The following DHRSX variants were observed in gnomAD, a reference collection of about 807,000 sequenced individuals.
DHRSX encodes the protein polyprenol dehydrogenase.
In DHRSX, 31 loss-of-function variants were observed where a neutral mutation model predicts 34.0. The ratio of observed to expected loss-of-function variants is 0.91; its 90% CI spans 0.69 to 1.23. DHRSX has a LOEUF of 1.23. Ranked by LOEUF, DHRSX falls within the 50% of genes most tolerant of loss-of-function variation. The pLI is 0.00. For missense variants in DHRSX, 414 were observed against 428.1 expected (o/e 0.97, Z 0.29); for synonymous variants, 201 against 183.8 (o/e 1.09, Z -0.76).
At chrX:2,391,772 C>T (rs746777523) in intron 3 of DHRSX, among the ~76,000 whole-genome samples, 3 of 152,106 alleles carry the variant, frequency 2.0e-5, no homozygotes, top group African/African-American at 7.2e-5. Context: ...ACTAAAAATA[C>T]AAAAATTAGC....
At chrX:2,314,797 G>C (rs953774331) in intron 3 of DHRSX, among the ~76,000 whole-genome samples, 3 of 152,068 alleles carry the variant, frequency 2.0e-5, no homozygotes, top group Non-Finnish European at 2.9e-5. Context: ...TCATGATTTT[G>C]CCTGGAGCAG....
chrX:2,371,567 TC>T (rs922753677), intron 3 of DHRSX, among the ~76,000 whole-genome samples: 12 of 130,726 alleles, frequency 9.2e-5, no homozygotes, highest in Admixed American at 3.9e-4. Context: ...AGTCCCTCCT[TC>T]CATTACCATA....
intron 2 of DHRSX, 41 bp downstream of exon 2, chrX:2,425,156 C>A (rs775514185): frequency 2.6e-4 from 338 of 1,325,112 alleles, no homozygotes; most frequent in African/African-American, 8.7e-4. Flanking sequence ...AAAAAAAAAA[C>A]CGAAAAAACA....
intron 3 of DHRSX, among the ~76,000 whole-genome samples, chrX:2,398,101 G>A (rs1017590463): frequency 6.6e-6 from 1 of 152,188 alleles, no homozygotes; most frequent in Non-Finnish European, 1.5e-5. Context: ...GCGGAAGGGG[G>A]CTCGCTTGCA....
At chrX:2,339,912 T>C (rs1427368739) in intron 3 of DHRSX, among the ~76,000 whole-genome samples, 1 of 152,118 alleles carries the variant, frequency 6.6e-6, no homozygotes, top group Non-Finnish European at 1.5e-5. Flanking sequence ...TCAAATGGTA[T>C]TTCTGGTTCT....
At chrX:2,461,294 C>T (rs1690508163) in intron 1 of DHRSX, among the ~76,000 whole-genome samples, 1 of 152,206 alleles carries the variant, frequency 6.6e-6, no homozygotes, top group African/African-American at 2.4e-5. Context: ...AGCTAAAAGC[C>T]AGTTGGAGCC....
At chrX:2,245,693 C>T (rs2016262018) in intron 5 of DHRSX, among the ~76,000 whole-genome samples, 1 of 149,086 alleles carries the variant, frequency 6.7e-6, no homozygotes, top group Non-Finnish European at 1.5e-5. Flanking sequence ...CGCAGTGGCT[C>T]ATGCCTGTAA....
chrX:2,452,590 A>T (rs1339774143), intron 1 of DHRSX, among the ~76,000 whole-genome samples: 1 of 151,972 alleles, frequency 6.6e-6, no homozygotes, highest in African/African-American at 2.4e-5. Flanking sequence ...TTCCCTAAGC[A>T]TGTGGCCAAT....
intron 1 of DHRSX, among the ~76,000 whole-genome samples, chrX:2,499,664 T>C (rs755293532): frequency 4.0e-4 from 61 of 152,274 alleles, no homozygotes; most frequent in African/African-American, 1.4e-3. Context: ...CCCAGCACTT[T>C]GGGGGACCCA....
At chrX:2,229,002 G>C (rs1442067670) in intron 6 of DHRSX, among the ~76,000 whole-genome samples, 1 of 152,188 alleles carries the variant, frequency 6.6e-6, no homozygotes, top group Admixed American at 6.6e-5. Flanking sequence ...TGTCTCCTAG[G>C]GAGGAGGCTA....
intron 3 of DHRSX, among the ~76,000 whole-genome samples, chrX:2,360,386 C>T (rs1049246811): frequency 6.6e-6 from 1 of 152,106 alleles, no homozygotes; most frequent in African/African-American, 2.4e-5. Context: ...AGTTCAAGAC[C>T]AGCCTGACCA....
At chrX:2,497,912 AT>A (rs2045321964) in intron 1 of DHRSX, among the ~76,000 whole-genome samples, 1 of 152,208 alleles carries the variant, frequency 6.6e-6, no homozygotes, top group Admixed American at 6.5e-5. Flanking sequence ...CACTGATTAA[AT>A]CATCTATTTT....
At chrX:2,407,575 C>A in intron 3 of DHRSX, among the ~76,000 whole-genome samples, 1 of 152,312 alleles carries the variant, frequency 6.6e-6, no homozygotes, top group East Asian at 1.9e-4. Flanking sequence ...AGCTTTCAGG[C>A]ACTGGATAAG....
At chrX:2,340,355 A>G (rs2042624990) in intron 3 of DHRSX, among the ~76,000 whole-genome samples, 1 of 152,016 alleles carries the variant, frequency 6.6e-6, no homozygotes, top group South Asian at 2.1e-4. Flanking sequence ...AAAAAGTAAT[A>G]GTCTCCAGTC....
intron 2 of DHRSX, among the ~76,000 whole-genome samples, chrX:2,411,611 C>T (rs2043630499): frequency 6.6e-6 from 1 of 150,670 alleles, no homozygotes; most frequent in East Asian, 1.9e-4. Flanking sequence ...CCTGTAATCC[C>T]AGCTACTCTG....
At chrX:2,384,090 C>T (rs1015907807) in intron 3 of DHRSX, among the ~76,000 whole-genome samples, 2 of 152,096 alleles carry the variant, frequency 1.3e-5, no homozygotes, top group Non-Finnish European at 2.9e-5. Flanking sequence ...ATAGGTGTGA[C>T]CTGCTGTAGG....
intron 3 of DHRSX, among the ~76,000 whole-genome samples, chrX:2,319,542 CA>C (rs776261461): frequency 5.0e-4 from 54 of 107,334 alleles, no homozygotes; most frequent in East Asian, 1.0e-3. Context: ...GACTCCATCT[CA>C]AAAAAAAAAA....
chrX:2,474,568 G>T (rs1369795818), intron 1 of DHRSX, among the ~76,000 whole-genome samples: 1 of 149,702 alleles, frequency 6.7e-6, no homozygotes, highest in African/African-American at 2.5e-5. Context: ...GGACTGCCAC[G>T]CTGTGCATAC....
intron 3 of DHRSX, among the ~76,000 whole-genome samples, chrX:2,394,206 G>A (rs758968392): frequency 2.0e-5 from 3 of 152,190 alleles, no homozygotes; most frequent in African/African-American, 7.2e-5. Context: ...GGAGAGGGCA[G>A]GACAAGAATG....
Sources: allele counts gnomAD v4.1 joint callset (sites outside exome capture counted in the v4.1 genomes callset), GRCh38; gene constraint gnomAD v4.1.1; transcripts MANE v1.5; gene names NCBI Gene and HGNC (gene_info 2026-07-23, HGNC 2026-07-21).